Variants in THAP9 observed in about 807,000 individuals in gnomAD.
The protein encoded by THAP9 is THAP domain containing 9, also known as DNA transposase THAP9.
In THAP9, 20 loss-of-function variants were observed where a neutral mutation model predicts 35.7. The observed-to-expected ratio is 0.56, with a 90% CI of 0.39 to 0.81. The LOEUF is 0.81. THAP9 is among the 40% of genes least tolerant of loss of function. THAP9 has a pLI of 0.00. For missense variants in THAP9, 870 were observed against 1,047.4 expected (o/e 0.83, Z 2.34); for synonymous variants, 335 against 373.7 (o/e 0.90, Z 1.19).
At chr4:82,902,841 G>A (rs56315381) in intron 1 of THAP9, among the ~76,000 whole-genome samples, 11 of 152,322 alleles carry the variant, frequency 7.2e-5, no homozygotes, top group African/African-American at 2.4e-4. Flanking sequence ...AGTTTACAAA[G>A]TGATTTTGAA....
In THAP9 at chr4:82,919,169, A is replaced by G. The variant is rs1247000375; in HGVS notation, c.*245A>G. 2.9e-6 allele frequency: 1 copy of G among 339,816 alleles called. No homozygotes were observed. The highest frequency in any genetic ancestry group is 5.3e-6 in the Non-Finnish European group (1 of 187,828). 21.1% of individuals were successfully genotyped at this position (339,816 alleles called of 1,614,324 possible). On this transcript the variant is annotated 3_prime_UTR_variant, in exon 5 of 5. Transcript: ENST00000302236. ...AGTAGGAGCAAACTAGCCAACAGGT[A>G]CTGTCTTTGAATTTACTACTGTAAG...
intron 4 of THAP9, chr4:82,910,083 T>A (rs1477960632): frequency 6.6e-6 from 1 of 152,162 alleles, no homozygotes; most frequent in Non-Finnish European, 1.5e-5. Context: ...TTCTTTTTCA[T>A]GGTTTTCTTC....
chr4:82,906,408 A>G lies in THAP9; in HGVS notation c.361A>G (p.Thr121Ala), dbSNP rs141745901. ...PLPDNSQEVA[T>A]EDHNYSLKTP... ...TCCAGACAATTCTCAAGAAGTTGCT[A>G]CTGAGGACCATAACTATAGTTTAAA... The change falls in exon 3 of 5, where the codon ACT (threonine) becomes GCT (alanine). Residue 121 changes from threonine to alanine, a missense_variant. Coordinates refer to ENST00000302236, the MANE Select transcript of THAP9 (RefSeq NM_024672.6). 6.4e-5 allele frequency: 103 copies of G among 1,613,648 alleles called. No individual in the cohort carries two copies. Among genetic ancestry groups the G allele is most frequent in the Non-Finnish European group, 1.5e-5 (18 of 1,179,736 alleles).
chr4:82,917,018 A>G lies in THAP9; in HGVS notation c.806A>G (p.Asn269Ser), dbSNP rs771905292. The change falls in exon 5 of 5, where the codon AAT becomes AGT. Residue 269 changes from asparagine (N) to serine (S), a missense_variant. By Grantham distance (46) the Asn-to-Ser change is conservative. Around this residue, in one of 3 missense-constraint regions of THAP9, gnomAD observed 440 missense variants for 501.2 expected, o/e 0.88. Transcript: ENST00000302236. The stretch of plus-strand genomic sequence containing the variant: ...TCTTTTCTTCAACGAAGAGTAGAGA[A>G]TGGAGATCAGCTCTATCAATACTGT... The part of the protein sequence containing the change: ...IFSFLQRRVE[N>S]GDQLYQYCSL... 22 of 1,588,682 alleles carry G rather than the reference A, an allele frequency of 1.4e-5. No individual in the cohort carries two copies. The highest frequency in any genetic ancestry group is 1.9e-5 in the Non-Finnish European group (22 of 1,170,186).
Position 82,906,511 on chromosome 4 carries a change from C to A in THAP9, c.464C>A (p.Ser155Tyr), listed in dbSNP as rs769414379. ...CAAGTGTCCAAAAAAAGACTTATCT[C>A]CGTAAAGAACTACAGGATGATCAAG... Reference protein sequence around the residue: ...MLQVSKKRLISVKNYRMIKKR... With the variant: ...MLQVSKKRLIYVKNYRMIKKR... Residue 155 changes from serine to tyrosine, a missense_variant, in exon 3 of 5, where the codon TCC (serine) becomes TAC (tyrosine). Transcript: ENST00000302236. The A allele has an allele frequency of 1.9e-6, 3 of 1,613,800 alleles. No homozygotes were observed. Among genetic ancestry groups the A allele is most frequent in the East Asian group, 4.5e-5 (2 of 44,838 alleles).
At chr4:82,911,958 A>T (rs1335704643) in intron 4 of THAP9, among the ~76,000 whole-genome samples, 1 of 152,168 alleles carries the variant, frequency 6.6e-6, no homozygotes, top group African/African-American at 2.4e-5. Flanking sequence ...CTAGACTTAA[A>T]TTTTTTTAAA....
rs757130519 is a variant in THAP9, at chr4:82,904,759, G to T, written c.104G>T (p.Arg35Leu). The part of the protein sequence containing the change: ...FHQFPTDTIQ[R>L]SKWIRAVNRV... Reference sequence around the variant, plus strand: ...AGATTTCCAACTGATACCATACAGCGCTCAAAATGGATCAGGGCTGTTAAT... The same window carrying T: ...AGATTTCCAACTGATACCATACAGCTCTCAAAATGGATCAGGGCTGTTAAT... Residue 35 changes from arginine (R) to leucine (L), a missense_variant, in exon 2 of 5, where the codon CGC becomes CTC. By Grantham distance (102) the Arg-to-Leu change is moderately radical. Transcript: ENST00000302236. 3.1e-6 allele frequency: 5 copies of T among 1,614,020 alleles called. No homozygotes were observed. Among genetic ancestry groups the T allele is most frequent in the Non-Finnish European group, 4.2e-6 (5 of 1,179,994 alleles).
At chr4:82,910,163 C>G (rs1720814707) in intron 4 of THAP9, 1 of 152,016 alleles carries the variant, frequency 6.6e-6, no homozygotes, top group Non-Finnish European at 1.5e-5. Context: ...TTTATCTTTT[C>G]TCTCTTCATG....
intron 1 of THAP9, 54 bp downstream of exon 1, chr4:82,900,936 CCGTGG>C (rs374733464): frequency 3.1e-6 from 5 of 1,600,998 alleles, no homozygotes; most frequent in Admixed American, 3.4e-5. Flanking sequence ...GCCCGGCGGG[CCGTGG>C]CGTGGCGTGG....
rs1031639 is a variant in THAP9, at chr4:82,917,064, G to A, written c.852G>A (p.Met284Ile). 1 allele frequency: 1,606,554 copies of A among 1,613,264 alleles called. 800,133 individuals carry two copies. The highest frequency in any genetic ancestry group is 1 in the East Asian group (44,876 of 44,876). Residue 284 changes from methionine to isoleucine, a missense_variant, in exon 5 of 5, where the codon ATG becomes ATA. This residue lies in a region of THAP9 where 440 missense variants were observed against 501.2 expected (regional missense o/e 0.88). Coordinates refer to ENST00000302236, the MANE Select transcript of THAP9 (RefSeq NM_024672.6). ...YQYCSLLIKS[M>I]PLKQQLQWDP... is the part of the protein sequence containing the mutation. ...ACTGTTCATTGTTAATAAAAAGTAT[G>A]CCTCTCAAGCAACAGCTTCAGTGGG... is the stretch of plus-strand genomic sequence containing the variant.
At chr4:82,916,119 C>CA (rs147603756) in intron 4 of THAP9, among the ~76,000 whole-genome samples, 2,444 of 152,300 alleles carry the variant, frequency 0.016, 71 homozygotes, top group African/African-American at 0.055. Context: ...ACTTAACAGA[C>CA]ATTTGAGTTA....
chr4:82,909,495 A>C (rs1012753894), intron 4 of THAP9, among the ~76,000 whole-genome samples: 1 of 151,848 alleles, frequency 6.6e-6, no homozygotes, highest in Non-Finnish European at 1.5e-5. Context: ...TAAATTTCCA[A>C]CCAGCCTTTT....
rs768660702 is a variant in THAP9 at position 82,917,269 on chromosome 4, CTGCTTCGTCTG to C, written c.1058_1068del (p.Leu353HisfsTer4). 1.9e-6 allele frequency: 3 copies of C among 1,614,142 alleles called. No homozygotes were observed. Among genetic ancestry groups the C allele is most frequent in the Non-Finnish European group, 2.5e-6 (3 of 1,180,018 alleles). ...AGCATCTGGATATTTGCAGGCTCAG[CTGCTTCGTCTG>C]ACTATTGGTAAACTGAGTGACATAG... On this transcript the variant is annotated frameshift_variant, in exon 5 of 5. Transcript: ENST00000302236. LOFTEE classifies it high-confidence loss of function.
chr4:82,909,041 G>A (rs1449378108), intron 4 of THAP9, among the ~76,000 whole-genome samples: 2 of 151,792 alleles, frequency 1.3e-5, no homozygotes, highest in African/African-American at 2.4e-5. Flanking sequence ...CAAGTAGCTG[G>A]GATTACAGGT....
chr4:82,905,245 A>G (rs1448296942), intron 2 of THAP9, among the ~76,000 whole-genome samples: 1 of 152,152 alleles, frequency 6.6e-6, no homozygotes, highest in Admixed American at 6.5e-5. Context: ...GACAGCTTTC[A>G]TAGTACTTTG....
At chr4:82,905,121 AAAC>A (rs1265905176) in intron 2 of THAP9, among the ~76,000 whole-genome samples, 190 bp downstream of exon 2, 1 of 152,174 alleles carries the variant, frequency 6.6e-6, no homozygotes, top group Non-Finnish European at 1.5e-5. Flanking sequence ...AGCTTTTAAA[AAAC>A]TATATAAATG....
At chr4:82,914,059 A>C (rs1420101075) in intron 4 of THAP9, among the ~76,000 whole-genome samples, 3 of 152,076 alleles carry the variant, frequency 2.0e-5, no homozygotes, top group Non-Finnish European at 1.5e-5. Flanking sequence ...TTTAGCTCCC[A>C]CTTATAATTG....
intron 2 of THAP9, 75 bp downstream of exon 2, chr4:82,905,006 A>T: frequency 1.4e-6 from 2 of 1,422,118 alleles, no homozygotes; most frequent in Non-Finnish European, 1.9e-6. Context: ...CCCCCATTAT[A>T]GCTAGAATTT....
chr4:82,900,917 C>G lies in THAP9; in HGVS notation c.80+35C>G, dbSNP rs376316150. ...GGAGCAGCCTCGAAGCCTTCGAACTCCCTGCGGGGCCCGGCGGGCCGTGGC... is the reference window on the plus strand; with the variant it reads ...GGAGCAGCCTCGAAGCCTTCGAACTGCCTGCGGGGCCCGGCGGGCCGTGGC... On this transcript the variant is annotated intron_variant, in intron 1 of 4. Coordinates refer to ENST00000302236, the MANE Select transcript of THAP9 (RefSeq NM_024672.6). The G allele has an allele frequency of 1.2e-3, 1,876 of 1,609,206 alleles. 4 individuals are homozygous for G. The highest frequency in any genetic ancestry group is 2.4e-3 in the South Asian group (220 of 90,902).
Sources: gnomAD v4.1 joint callset for allele counts (sites outside exome capture counted in the v4.1 genomes callset) on GRCh38, gnomAD v4.1.1 for gene constraint, gnomAD v4.1.1 regional missense constraint, MANE v1.5 for transcripts, NCBI Gene and HGNC (gene_info 2026-07-23, HGNC 2026-07-21) for gene names.